KCNQ4: variants seen among roughly 807,000 people sequenced by gnomAD.
KCNQ4 encodes potassium voltage-gated channel subfamily KQT member 4.
KCNQ4 carries 31 observed loss-of-function variants against 72.6 expected under a neutral mutation model. The observed-to-expected ratio is 0.43, with a 90% CI of 0.32 to 0.58. KCNQ4 has a LOEUF of 0.58. Ranked by LOEUF, KCNQ4 falls within the 20% of genes least tolerant of loss-of-function variation. The pLI, the probability that KCNQ4 is intolerant of heterozygous loss-of-function variation, is 0.08. For missense variants in KCNQ4, 869 were observed against 962.6 expected (o/e 0.90, Z 1.29); for synonymous variants, 405 against 403.7 (o/e 1.00, Z -0.04).
chr1:40,827,253 G>A (rs1302104861), intron 9 of KCNQ4, among the ~76,000 whole-genome samples: 3 of 152,150 alleles, frequency 2.0e-5, no homozygotes, highest in Non-Finnish European at 2.9e-5. Context: ...CATCGTCCTC[G>A]GAGAGTTGCA....
In KCNQ4 at chr1:40,817,179, C is replaced by A; in HGVS notation, c.315-86C>A. 1 of 1,005,012 alleles carries A rather than the reference C, an allele frequency of 1.0e-6. No individual in the cohort carries two copies. Among genetic ancestry groups the A allele is most frequent in the Non-Finnish European group, 1.6e-6 (1 of 639,592 alleles). The allele number at this position is 1,005,012 out of a possible 1,614,324, so 62.3% of individuals were successfully genotyped here. On this transcript the variant is annotated intron_variant, in intron 1 of 13. Transcript: ENST00000347132. The surrounding 1 kb of genome is among the most constrained non-coding windows in gnomAD (Gnocchi z 5.5). ...TTTTCTGAAAATAATGTTCTCCTCT[C>A]TTGGCTCTGTAACCCCCTGCCAGGG...
intron 1 of KCNQ4, among the ~76,000 whole-genome samples, chr1:40,795,273 T>C (rs1647379953): frequency 6.7e-6 from 1 of 148,642 alleles, no homozygotes; most frequent in African/African-American, 2.5e-5. Context: ...TTTTTTTTTT[T>C]CCTTTTGAGA....
chr1:40,796,503 C>T (rs973583122), intron 1 of KCNQ4, among the ~76,000 whole-genome samples: 11 of 152,108 alleles, frequency 7.2e-5, no homozygotes, highest in African/African-American at 2.7e-4. Flanking sequence ...TGTAGCAGGG[C>T]CAGGATTCTA....
At chr1:40,789,894 G>C (rs999978054) in intron 1 of KCNQ4, among the ~76,000 whole-genome samples, 1 of 152,170 alleles carries the variant, frequency 6.6e-6, no homozygotes, top group Non-Finnish European at 1.5e-5. Context: ...CACAAAGGAG[G>C]CTGCCCAGGG....
chr1:40,801,597 G>C (rs1039044329), intron 1 of KCNQ4, among the ~76,000 whole-genome samples: 13 of 152,200 alleles, frequency 8.5e-5, no homozygotes, highest in African/African-American at 1.2e-4. Flanking sequence ...TTACATTGAG[G>C]GGGGCGGGAG....
chr1:40,838,251 GC>G (rs1648867051), intron 13 of KCNQ4, 59 bp from the exon 14 acceptor site: 2 of 1,463,050 alleles, frequency 1.4e-6, no homozygotes, highest in African/African-American at 1.4e-5. Context: ...CCCAAGCCCC[GC>G]CCCCGGCCGC....
chr1:40,798,981 T>C (rs1325734095), intron 1 of KCNQ4, among the ~76,000 whole-genome samples: 1 of 152,266 alleles, frequency 6.6e-6, no homozygotes, highest in African/African-American at 2.4e-5. Flanking sequence ...GCCCTTCACA[T>C]GACAGGCATG....
At chr1:40,825,548 G>A (rs1480150908) in intron 9 of KCNQ4, among the ~76,000 whole-genome samples, 1 of 143,784 alleles carries the variant, frequency 7.0e-6, no homozygotes, top group Non-Finnish European at 1.6e-5. Context: ...GGCTGAACAG[G>A]AAGTGGGTGG....
intron 1 of KCNQ4, among the ~76,000 whole-genome samples, chr1:40,789,615 G>A (rs920760993): frequency 6.6e-6 from 1 of 151,998 alleles, no homozygotes; most frequent in African/African-American, 2.4e-5. Flanking sequence ...GAGCCGGTTC[G>A]ATCTCTCACT....
At chr1:40,831,898 C>T (rs575326848) in intron 10 of KCNQ4, among the ~76,000 whole-genome samples, 43 of 152,340 alleles carry the variant, frequency 2.8e-4, no homozygotes, top group African/African-American at 9.1e-4. Flanking sequence ...ACTTTACAGA[C>T]GTGGGCACTG....
chr1:40,829,870 A>G (rs1041239), intron 9 of KCNQ4, among the ~76,000 whole-genome samples: 14,154 of 152,160 alleles, frequency 0.093, 820 homozygotes, highest in East Asian at 0.26. Context: ...GGACATTTGC[A>G]TAGGTCCTAC....
intron 1 of KCNQ4, among the ~76,000 whole-genome samples, chr1:40,785,523 C>A (rs985840854): frequency 1.3e-5 from 2 of 152,314 alleles, no homozygotes; most frequent in Admixed American, 1.3e-4. Flanking sequence ...CCTGGCTGTC[C>A]CTCTGCCAGC....
rs917867358 is a variant in KCNQ4 at position 40,827,708 on chromosome 1, G to A, written c.1293-3376G>A. Among the ~76,000 whole-genome samples, 6 of 152,274 alleles carry A rather than the reference G, an allele frequency of 3.9e-5. 1 individual carries two copies. Among genetic ancestry groups the A allele is most frequent in the Admixed American group, 3.9e-4 (6 of 15,298 alleles). On this transcript the variant is annotated intron_variant, in intron 9 of 13. Coordinates refer to ENST00000347132, the MANE Select transcript of KCNQ4 (RefSeq NM_004700.4). The stretch of plus-strand genomic sequence containing the variant: ...CTGAGAGGTGTTTTTTCCTAGAAAC[G>A]TGGGTTCTGGACCACAATCTAGCTA...
At chr1:40,822,426 T>TG (rs755986120) in intron 8 of KCNQ4, 24 bp downstream of exon 8, 56 of 152,770 alleles carry the variant, frequency 3.7e-4, no homozygotes, top group Admixed American at 8.2e-4. Context: ...GGGGTGGGGG[T>TG]GGGTGGGGGG....
At chr1:40,789,401 C>T (rs899226863) in intron 1 of KCNQ4, among the ~76,000 whole-genome samples, 2 of 152,216 alleles carry the variant, frequency 1.3e-5, no homozygotes, top group Non-Finnish European at 1.5e-5. Context: ...GATGGATGCT[C>T]TAAGAACTTT....
intron 1 of KCNQ4, among the ~76,000 whole-genome samples, chr1:40,790,920 T>C (rs997444414): frequency 3.3e-5 from 5 of 152,042 alleles, no homozygotes; most frequent in Admixed American, 6.5e-5. Context: ...CTGTGAGTTA[T>C]GGGGAGGACG....
intron 1 of KCNQ4, among the ~76,000 whole-genome samples, chr1:40,802,321 AC>A (rs1647603699): frequency 6.6e-6 from 1 of 151,842 alleles, no homozygotes; most frequent in African/African-American, 2.4e-5. Flanking sequence ...GCACCTTCAC[AC>A]TTTCCGCTTG....
chr1:40,784,361 G>C lies in KCNQ4; in HGVS notation c.268G>C (p.Val90Leu). The C allele has an allele frequency of 1.2e-6, 2 of 1,610,146 alleles. No individual in the cohort carries two copies. Among genetic ancestry groups the C allele is most frequent in the Non-Finnish European group, 1.7e-6 (2 of 1,179,406 alleles). Reference sequence around the variant, plus strand: ...CCGCCTGCAGAACTGGGTCTACAACGTGCTGGAGCGGCCCCGCGGCTGGGC... The same window carrying C: ...CCGCCTGCAGAACTGGGTCTACAACCTGCTGGAGCGGCCCCGCGGCTGGGC... ...YRRLQNWVYN[V>L]LERPRGWAFV... Residue 90 changes from valine (V) to leucine (L), a missense_variant, in exon 1 of 14, where the codon GTG becomes CTG. Coordinates refer to ENST00000347132, the MANE Select transcript of KCNQ4 (RefSeq NM_004700.4). This position sits in a 1 kb window ranked among gnomAD's most constrained non-coding sequence, Gnocchi z 4.1.
chr1:40,803,496 C>T (rs376108899), intron 1 of KCNQ4, among the ~76,000 whole-genome samples: 1 of 152,228 alleles, frequency 6.6e-6, no homozygotes, highest in African/African-American at 2.4e-5. Context: ...ATCCTGCCTC[C>T]ATCAGCTGGG....
Sources: gnomAD v4.1 joint callset for allele counts (sites outside exome capture counted in the v4.1 genomes callset) on GRCh38, gnomAD v4.1.1 for gene constraint, Gnocchi (gnomAD v3.1) non-coding constraint, MANE v1.5 for transcripts, NCBI Gene and HGNC (gene_info 2026-07-23, HGNC 2026-07-21) for gene names.